DCT: variants seen among roughly 807,000 people sequenced by gnomAD.
DCT encodes dopachrome tautomerase, also known as L-dopachrome tautomerase.
In DCT, 47 loss-of-function variants were observed where a neutral mutation model predicts 53.0. The ratio of observed to expected loss-of-function variants is 0.89; its 90% confidence interval spans 0.70 to 1.13. The LOEUF is 1.13. Ranked by LOEUF, DCT falls within the 50% of genes most tolerant of loss-of-function variation. The pLI is 0.00. For missense variants in DCT, 669 were observed against 637.4 expected, an observed-to-expected ratio of 1.05 and a Z score of -0.53; for synonymous variants, 244 against 237.0, an observed-to-expected ratio of 1.03 and a Z score of -0.27.
the DCT span, among the ~76,000 whole-genome samples, chr13:94,488,208 G>C: frequency 6.6e-6 from 1 of 152,020 alleles, no homozygotes; most frequent in African/African-American, 2.4e-5. Context: ...GTAAGCAATA[G>C]AGCTACTCCT....
chr13:94,462,671 T>G (rs1015358386), intron 4 of DCT, among the ~76,000 whole-genome samples: 1 of 152,094 alleles, frequency 6.6e-6, no homozygotes, highest in African/African-American at 2.4e-5. Flanking sequence ...CTGAAAGTCA[T>G]TATGGGTCGA....
chr13:94,525,730 T>C, the DCT span, among the ~76,000 whole-genome samples: 3 of 152,212 alleles, frequency 2.0e-5, no homozygotes, highest in South Asian at 4.1e-4. Context: ...CTCATGTCTA[T>C]AATCCCAGCC....
At chr13:94,518,529 C>A in the DCT span, among the ~76,000 whole-genome samples, 3 of 152,312 alleles carry the variant, frequency 2.0e-5, no homozygotes, top group Admixed American at 6.5e-5. Context: ...CTCTCATCCC[C>A]TTGATGAATC....
intron 6 of DCT, among the ~76,000 whole-genome samples, chr13:94,449,533 C>G (rs1358855169): frequency 6.6e-6 from 1 of 152,164 alleles, no homozygotes; most frequent in African/African-American, 2.4e-5. Context: ...TGCTCTGGTC[C>G]TCTGAGAGTC....
At chr13:94,452,484 G>A in intron 6 of DCT, 2 of 618,898 alleles carry the variant, frequency 3.2e-6, no homozygotes, top group Non-Finnish European at 5.7e-6. Context: ...CTGACACATA[G>A]GTGACACACA....
chr13:94,450,719 A>G (rs1344682292), intron 6 of DCT, among the ~76,000 whole-genome samples: 2 of 152,328 alleles, frequency 1.3e-5, no homozygotes, highest in Non-Finnish European at 1.5e-5. Context: ...AGAAGTGACC[A>G]GTTCAACATG....
intron 6 of DCT, among the ~76,000 whole-genome samples, chr13:94,444,893 T>A (rs1161019779): frequency 6.6e-6 from 1 of 152,234 alleles, no homozygotes; most frequent in Non-Finnish European, 1.5e-5. Context: ...AGGTCTAAGA[T>A]AAGGACTTTT....
chr13:94,452,800 T>C, intron 6 of DCT: 1 of 485,628 alleles, frequency 2.1e-6, no homozygotes. Flanking sequence ...CTGAAATGAT[T>C]TGGAATAAGT....
chr13:94,498,198 C>T, the DCT span, among the ~76,000 whole-genome samples: 2 of 152,200 alleles, frequency 1.3e-5, no homozygotes, highest in Admixed American at 6.5e-5. Flanking sequence ...ATGAAGCCCC[C>T]TGGCTACTCC....
intron 1 of DCT, among the ~76,000 whole-genome samples, chr13:94,476,755 C>T (rs1047180677): frequency 3.3e-5 from 5 of 152,148 alleles, no homozygotes; most frequent in Admixed American, 1.3e-4. Flanking sequence ...TGAGCCACTG[C>T]GCTTGGCCAG....
intron 6 of DCT, among the ~76,000 whole-genome samples, chr13:94,450,513 C>T (rs939826696): frequency 2.6e-5 from 4 of 151,986 alleles, no homozygotes; most frequent in Admixed American, 2.6e-4. Flanking sequence ...GTATAATAGC[C>T]TTGTATACTA....
the DCT span, among the ~76,000 whole-genome samples, chr13:94,492,932 A>G: frequency 6.6e-6 from 1 of 152,174 alleles, no homozygotes; most frequent in Admixed American, 6.5e-5. Context: ...GCTTTTTCCA[A>G]ATTTGCAGTT....
chr13:94,489,911 G>A, the DCT span, among the ~76,000 whole-genome samples: 1 of 152,146 alleles, frequency 6.6e-6, no homozygotes, highest in Admixed American at 6.5e-5. Flanking sequence ...ACCCAGAAAT[G>A]AAGTTGTTTT....
chr13:94,464,245 G>T (rs971616814), intron 4 of DCT, among the ~76,000 whole-genome samples: 1 of 152,240 alleles, frequency 6.6e-6, no homozygotes, highest in East Asian at 1.9e-4. Flanking sequence ...GCAGGCTCAG[G>T]GTGTTGGCAG....
chr13:94,456,712 C>T (rs1418489765), intron 6 of DCT, among the ~76,000 whole-genome samples: 2 of 152,232 alleles, frequency 1.3e-5, no homozygotes, highest in African/African-American at 4.8e-5. Flanking sequence ...AAGAGACCCA[C>T]ACTTTGCAGA....
At position 94,440,043 on chromosome 13, in the gene DCT, G is replaced by T; in HGVS notation, c.1415C>A (p.Thr472Asn). The T allele has an allele frequency of 1.2e-6, 2 of 1,614,054 alleles. No individual in the cohort carries two copies. Among genetic ancestry groups the T allele is most frequent in the Non-Finnish European group, 1.7e-6 (2 of 1,179,934 alleles). Reference sequence around the variant, plus strand: ...CAGTGTTCCCATGACTACTAAGAGAGTTGTGGGCCAACCTGGAGTTTCTTC... The same window carrying T: ...CAGTGTTCCCATGACTACTAAGAGATTTGTGGGCCAACCTGGAGTTTCTTC... ...SVEETPGWPTTLLVVMGTLVA... is the reference protein window; with the variant it reads ...SVEETPGWPTNLLVVMGTLVA... Residue 472 changes from threonine (T) to asparagine (N), a missense_variant, in exon 8 of 8, where the codon ACT (threonine) becomes AAT (asparagine). Thr to Asn is a moderately conservative substitution (Grantham distance 65). Coordinates refer to ENST00000377028, the MANE Select transcript of DCT (RefSeq NM_001922.5).
chr13:94,469,337 T>C (rs1884467979), intron 1 of DCT, among the ~76,000 whole-genome samples: 1 of 152,144 alleles, frequency 6.6e-6, no homozygotes, highest in Non-Finnish European at 1.5e-5. Context: ...GTATACCTCG[T>C]ATGTGACTAT....
At chr13:94,511,293 C>A in the DCT span, among the ~76,000 whole-genome samples, 1 of 152,058 alleles carries the variant, frequency 6.6e-6, no homozygotes, top group Non-Finnish European at 1.5e-5. Flanking sequence ...TGGATCTTTG[C>A]ACAAACTGCT....
chr13:94,490,545 T>G, the DCT span, among the ~76,000 whole-genome samples: 25,255 of 107,518 alleles, frequency 0.23, 2,597 homozygotes, highest in Middle Eastern at 0.37. Context: ...CTAACCATGG[T>G]GTCTGTGTCT....
Sources: gnomAD v4.1 joint callset for allele counts (sites outside exome capture counted in the v4.1 genomes callset) on GRCh38, gnomAD v4.1.1 for gene constraint, MANE v1.5 for transcripts, NCBI Gene and HGNC (gene_info 2026-07-23, HGNC 2026-07-21) for gene names.